The following FRMPD4 variants were observed in gnomAD, a reference collection of about 807,000 sequenced individuals.
The protein encoded by FRMPD4 is FERM and PDZ domain-containing protein 4.
A neutral mutation model predicts 94.1 loss-of-function variants in FRMPD4; 22 were observed. The ratio of observed to expected loss-of-function variants is 0.23; its 90% CI spans 0.17 to 0.33. The LOEUF is 0.33. Ranked by LOEUF, FRMPD4 falls within the 10% of genes least tolerant of loss-of-function variation. The probability of loss-of-function intolerance (pLI) is 1.00; values close to 1 mark genes in which losing one functional copy is unlikely to be tolerated. For missense variants in FRMPD4, 1,111 were observed against 1,339.9 expected (o/e 0.83, Z 2.67); for synonymous variants, 631 against 548.6 (o/e 1.15, Z -2.10).
chrX:11,942,615 G>A (rs997725832), intron 3 of FRMPD4, among the ~76,000 whole-genome samples: 2 of 111,565 alleles, frequency 1.8e-5, no homozygotes, highest in Non-Finnish European at 3.8e-5. Flanking sequence ...CCTGACAAAG[G>A]GGTGTTAAGG....
chrX:11,853,743 A>G (rs1237111233), intron 1 of FRMPD4, among the ~76,000 whole-genome samples: 1 of 112,009 alleles, frequency 8.9e-6, no homozygotes. Context: ...TAAATAGCCT[A>G]CCAACCAAAA....
At position 12,010,974 on chromosome X, in the gene FRMPD4, A is replaced by C. The variant is rs774197328; in HGVS notation, c.95+132956A>C. Among the ~76,000 whole-genome samples the C allele has an allele frequency of 2.7e-5, 3 of 112,465 alleles. No homozygotes were observed. The East Asian group carries it at 8.3e-4, about 31-fold the overall frequency. On this transcript the variant is annotated intron_variant, in intron 3 of 18. Coordinates refer to the FRMPD4 transcript ENST00000640291. ...AGCAAGCAACGCATTTGGCAGATCT[A>C]TAGGGGTAGAGTTAGAAGCAAGAAT...
chrX:12,074,981 A>G (rs765238846), intron 3 of FRMPD4, among the ~76,000 whole-genome samples: 1 of 112,329 alleles, frequency 8.9e-6, no homozygotes, highest in Non-Finnish European at 1.9e-5. Flanking sequence ...AAGAACCACA[A>G]TCTTGCAGGC....
chrX:11,890,550 C>G lies in FRMPD4; in HGVS notation c.95+12532C>G, dbSNP rs774956061. ...CTATTATGTGGTTTGTTTTTCAAAG[C>G]CTTACCCTTAGCTCTTCACAGATAT... On this transcript the variant is annotated intron_variant, in intron 3 of 18. Transcript: ENST00000640291. Among the ~76,000 whole-genome samples, 5 of 112,344 alleles carry G rather than the reference C, an allele frequency of 4.5e-5. 1 individual carries two copies. In the East Asian group the frequency reaches 1.4e-3, roughly 31 times the overall value.
intron 1 of FRMPD4, among the ~76,000 whole-genome samples, chrX:12,474,594 A>G (rs1347247265): frequency 8.9e-6 from 1 of 111,941 alleles, no homozygotes; most frequent in Non-Finnish European, 1.9e-5. Context: ...AGAGAGAAGA[A>G]TCAAATAGAC....
chrX:12,037,450 T>C (rs1257683523), intron 3 of FRMPD4, among the ~76,000 whole-genome samples: 1 of 112,067 alleles, frequency 8.9e-6, no homozygotes, highest in Non-Finnish European at 1.9e-5. Context: ...ATTTTTGTTC[T>C]TGTGAGTTTG....
At chrX:11,881,561 A>G (rs1406174208) in intron 3 of FRMPD4, among the ~76,000 whole-genome samples, 1 of 112,521 alleles carries the variant, frequency 8.9e-6, no homozygotes, top group Non-Finnish European at 1.9e-5. Context: ...TATTTACTGT[A>G]CAATTCCATT....
intron 1 of FRMPD4, among the ~76,000 whole-genome samples, chrX:12,349,430 T>G (rs2055766780): frequency 9.1e-6 from 1 of 110,050 alleles, no homozygotes; most frequent in South Asian, 3.9e-4. Flanking sequence ...GAGTCCTCCA[T>G]AGGATACTAA....
chrX:12,000,324 TAAGCCAAAG>T (rs1427395388), intron 3 of FRMPD4, among the ~76,000 whole-genome samples: 1 of 111,997 alleles, frequency 8.9e-6, no homozygotes, highest in Non-Finnish European at 1.9e-5. Flanking sequence ...AAGTGGTACA[TAAGCCAAAG>T]AAGCATATCT....
intron 1 of FRMPD4, among the ~76,000 whole-genome samples, chrX:12,210,986 T>C (rs1273557682): frequency 1.8e-5 from 2 of 112,581 alleles, no homozygotes; most frequent in Non-Finnish European, 3.7e-5. Flanking sequence ...AGAATGTCTC[T>C]CTGAAAGGTA....
At chrX:12,278,637 C>G (rs1455767159) in intron 1 of FRMPD4, among the ~76,000 whole-genome samples, 1 of 112,266 alleles carries the variant, frequency 8.9e-6, no homozygotes, top group Non-Finnish European at 1.9e-5. Flanking sequence ...ACTCAGATGA[C>G]TTGGTGTAGC....
rs188747588 is a variant in FRMPD4 at position 12,708,339 on chromosome X, G to A, written c.1470+688G>A. On this transcript the variant is annotated intron_variant, in intron 13 of 16. Coordinates refer to ENST00000675598, the MANE Select transcript of FRMPD4 (RefSeq NM_001368397.1). ...ACAAAAATTAGCCGGGCGTGGTGGC[G>A]TGCACCTGTAATCCCAGCTACTCAG... is the stretch of plus-strand genomic sequence containing the variant. Among the ~76,000 whole-genome samples, 508 of 109,667 alleles carry A rather than the reference G, an allele frequency of 4.6e-3. 6 individuals carry two copies. Among genetic ancestry groups the A allele is most frequent in the Middle Eastern group, 0.014 (3 of 214 alleles).
Position 11,917,577 on chromosome X carries a change from G to A in FRMPD4, c.95+39559G>A, listed in dbSNP as rs759509891. 3.6e-5 allele frequency among the ~76,000 whole-genome samples: 4 copies of A among 112,176 alleles called. No homozygotes were observed. In the East Asian group the frequency reaches 1.1e-3, roughly 31 times the overall value. On this transcript the variant is annotated intron_variant, in intron 3 of 18. Transcript: ENST00000640291. ...ATACAACCATAAAAAGAGGGAAATC[G>A]TGTTCTTTGCAGCAACATGGATACA... is the stretch of plus-strand genomic sequence containing the variant.
At chrX:12,353,877 C>T (rs1158656734) in intron 1 of FRMPD4, among the ~76,000 whole-genome samples, 1 of 111,460 alleles carries the variant, frequency 9.0e-6, no homozygotes, top group East Asian at 2.8e-4. Flanking sequence ...CTCATTTTGC[C>T]CTAGGTACAA....
chrX:12,274,996 G>A (rs1407373026), intron 1 of FRMPD4, among the ~76,000 whole-genome samples: 1 of 112,057 alleles, frequency 8.9e-6, no homozygotes, highest in Non-Finnish European at 1.9e-5. Context: ...GCAACAGAGC[G>A]AGACTCCATC....
intron 1 of FRMPD4, among the ~76,000 whole-genome samples, chrX:12,300,413 G>C (rs1367793625): frequency 8.9e-6 from 1 of 111,807 alleles, no homozygotes; most frequent in Admixed American, 9.5e-5. Flanking sequence ...TTCGAAAGAG[G>C]AATGAATGAA....
At chrX:12,419,484 T>A (rs1324041825) in intron 1 of FRMPD4, among the ~76,000 whole-genome samples, 1 of 109,982 alleles carries the variant, frequency 9.1e-6, no homozygotes, top group Non-Finnish European at 1.9e-5. Flanking sequence ...ACATAAAAAA[T>A]ATTTCAATAA....
At chrX:12,165,398 T>C (rs1358450977) in intron 1 of FRMPD4, among the ~76,000 whole-genome samples, 1 of 111,786 alleles carries the variant, frequency 8.9e-6, no homozygotes, top group African/African-American at 3.3e-5. Context: ...TGTTCTGTTC[T>C]ATTGGTCTAT....
intron 3 of FRMPD4, among the ~76,000 whole-genome samples, chrX:12,128,589 T>G (rs919187037): frequency 8.9e-6 from 1 of 112,524 alleles, no homozygotes; most frequent in Non-Finnish European, 1.9e-5. Context: ...ATTCAGCTCC[T>G]CATTACTTAT....
Sources: allele counts gnomAD v4.1 joint callset (sites outside exome capture counted in the v4.1 genomes callset), GRCh38; gene constraint gnomAD v4.1.1; transcripts MANE v1.5; gene names NCBI Gene and HGNC (gene_info 2026-07-23, HGNC 2026-07-21).